BUB3: variants seen among roughly 807,000 people sequenced by gnomAD.
BUB3 encodes BUB3 mitotic checkpoint protein.
Under a neutral mutation model 39.9 loss-of-function variants are expected in BUB3, and 22 were observed. That is an observed-to-expected ratio of 0.55 (90% CI 0.39 to 0.79). The LOEUF (loss-of-function observed/expected upper bound fraction) is 0.79. Among genes scored for constraint, BUB3 ranks in the 30% least tolerant of loss-of-function variants. The pLI, the probability that BUB3 is intolerant of heterozygous loss-of-function variation, is 0.00. For missense variants in BUB3, 303 were observed against 415.4 expected (o/e 0.73, Z 2.35); for synonymous variants, 168 against 155.1 (o/e 1.08, Z -0.62).
At chr10:123,157,324 T>C (rs1402974169) in intron 3 of BUB3, among the ~76,000 whole-genome samples, 1 of 152,228 alleles carries the variant, frequency 6.6e-6, no homozygotes, top group Non-Finnish European at 1.5e-5. Context: ...TTCATTTGTT[T>C]ATTCAACAGA....
In BUB3 at chr10:123,166,215, G is replaced by A. The variant is rs1844490822; in HGVS notation, c.*2380G>A. On this transcript the variant is annotated 3_prime_UTR_variant, in exon 8 of 8. Coordinates refer to ENST00000368865, the MANE Select transcript of BUB3 (RefSeq NM_004725.4). ...CCCACATTCTTTAAGTGTCTCTTCTGTTTATCTTTTCTTCCTACTGCTACC... is the reference window on the plus strand; with the variant it reads ...CCCACATTCTTTAAGTGTCTCTTCTATTTATCTTTTCTTCCTACTGCTACC... 1 of 152,158 alleles carries A rather than the reference G, an allele frequency of 6.6e-6. No individual in the cohort carries two copies. Among genetic ancestry groups the A allele is most frequent in the Admixed American group, 6.5e-5 (1 of 15,274 alleles). 9.4% of individuals were successfully genotyped at this position (152,158 alleles called of 1,614,324 possible).
intron 5 of BUB3, 48 bp from the exon 6 acceptor site, chr10:123,162,188 T>G: frequency 6.4e-7 from 1 of 1,561,434 alleles, no homozygotes; most frequent in Non-Finnish European, 8.7e-7. Flanking sequence ...CACCTTGTTT[T>G]TGGAAGCTGG....
At position 123,165,121 on chromosome 10, in the gene BUB3, C is replaced by CA. The variant is rs1844473160; in HGVS notation, c.*1286_*1287insA. ...TGCTTCCTACAAATACATGCTTATT[C>CA]CTTAAGGGATGTGTTAGAGTTACTG... On this transcript the variant is annotated 3_prime_UTR_variant, in exon 8 of 8. Coordinates refer to ENST00000368865, the MANE Select transcript of BUB3 (RefSeq NM_004725.4). 29 of 1,528,702 alleles carry CA rather than the reference C, an allele frequency of 1.9e-5. No homozygotes were observed. In the South Asian group the frequency reaches 3.2e-4, roughly 17 times the overall value. The allele number at this position is 1,528,702 out of a possible 1,614,324, so 94.7% of individuals were successfully genotyped here. A position where few individuals can be genotyped will look rare whatever the true frequency, so the allele number is the denominator to read the frequency against.
In BUB3 at chr10:123,164,343, G is replaced by A. The variant is rs777038313; in HGVS notation, c.*508G>A. 36 of 985,926 alleles carry A rather than the reference G, an allele frequency of 3.7e-5. No individual in the cohort carries two copies. The highest frequency in any genetic ancestry group is 4.2e-5 in the Non-Finnish European group (35 of 830,344). The allele number at this position is 985,926 out of a possible 1,614,324, so 61.1% of individuals were successfully genotyped here. The stretch of plus-strand genomic sequence containing the variant: ...CGTCCATTATTTTCTGAAGCAGATG[G>A]TTCATCATTTCCTGGGCTGTTAAAC... On this transcript the variant is annotated 3_prime_UTR_variant, in exon 8 of 8. Coordinates refer to ENST00000368865, the MANE Select transcript of BUB3 (RefSeq NM_004725.4).
Position 123,164,579 on chromosome 10 carries a change from T to G in BUB3, c.*744T>G. On this transcript the variant is annotated 3_prime_UTR_variant, in exon 8 of 8. Transcript: ENST00000368865. ...CATATCTGTGTATTTGGAAAAATAATTGTAACGTAATTGCAGTGCATTTAG... is the reference window on the plus strand; with the variant it reads ...CATATCTGTGTATTTGGAAAAATAAGTGTAACGTAATTGCAGTGCATTTAG... 1 of 987,326 alleles carries G rather than the reference T, an allele frequency of 1.0e-6. No individual in the cohort carries two copies. The highest frequency in any genetic ancestry group is 1.2e-6 in the Non-Finnish European group (1 of 831,252). The allele number at this position is 987,326 out of a possible 1,614,324, so 61.2% of individuals were successfully genotyped here. A position where few individuals can be genotyped will look rare whatever the true frequency, so the allele number is the denominator to read the frequency against.
In BUB3 at chr10:123,164,769, C is replaced by T; in HGVS notation, c.*934C>T. ...AAAAAATTATAGTGAGAATGAGATT[C>T]ATTTCAATGTAATGCACTAAAGCAG... On this transcript the variant is annotated 3_prime_UTR_variant, in exon 8 of 8. Transcript: ENST00000368865. 1 of 1,165,954 alleles carries T rather than the reference C, an allele frequency of 8.6e-7. No individual in the cohort carries two copies. Among genetic ancestry groups the T allele is most frequent in the Non-Finnish European group, 1.1e-6 (1 of 946,102 alleles). 72.2% of individuals were successfully genotyped at this position (1,165,954 alleles called of 1,614,324 possible).
intron 5 of BUB3, among the ~76,000 whole-genome samples, chr10:123,160,921 A>G (rs1844413659): frequency 6.6e-6 from 1 of 152,236 alleles, no homozygotes; most frequent in Admixed American, 6.5e-5. Flanking sequence ...ATGCTGAATT[A>G]AAATTTATAT....
chr10:123,165,156 C>A lies in BUB3; in HGVS notation c.*1321C>A. On this transcript the variant is annotated 3_prime_UTR_variant, in exon 8 of 8. Transcript: ENST00000368865. ...TGTGTTAGAGTTACTGTGGATTTCT[C>A]TGTTTTCTGTCTTACAAGAAACTTG... The A allele has an allele frequency of 7.1e-7, 1 of 1,408,158 alleles. No homozygotes were observed. Among genetic ancestry groups the A allele is most frequent in the Non-Finnish European group, 9.9e-7 (1 of 1,005,982 alleles). The allele number at this position is 1,408,158 out of a possible 1,614,324, so 87.2% of individuals were successfully genotyped here.
chr10:123,156,158 A>G (rs899638932), intron 3 of BUB3, among the ~76,000 whole-genome samples: 2 of 152,208 alleles, frequency 1.3e-5, no homozygotes, highest in African/African-American at 2.4e-5. Flanking sequence ...GTCTATATTA[A>G]TTGTGTTTGT....
At chr10:123,156,639 A>G (rs932785250) in intron 3 of BUB3, among the ~76,000 whole-genome samples, 1 of 152,178 alleles carries the variant, frequency 6.6e-6, no homozygotes, top group Non-Finnish European at 1.5e-5. Context: ...TTGTAGGGGT[A>G]GGGAGAAACA....
Position 123,155,015 on chromosome 10 carries a change from C to G in BUB3, c.98C>G (p.Ser33Cys). The G allele has an allele frequency of 6.2e-7, 1 of 1,614,204 alleles. No homozygotes were observed. Among genetic ancestry groups the G allele is most frequent in the Non-Finnish European group, 8.5e-7 (1 of 1,180,024 alleles). The change falls in exon 2 of 8, where the codon TCC becomes TGC. Residue 33 changes from serine (S) to cysteine (C), a missense_variant. Around this residue, in one of 2 missense-constraint regions of BUB3, gnomAD observed 121 missense variants for 122.3 expected, o/e 0.99. Coordinates refer to ENST00000368865, the MANE Select transcript of BUB3 (RefSeq NM_004725.4). ...AACACCTCCCAGTTCCTGCTTGTCTCCTCCTGGGACACGTCCGTGCGTCTC... is the reference window on the plus strand; with the variant it reads ...AACACCTCCCAGTTCCTGCTTGTCTGCTCCTGGGACACGTCCGTGCGTCTC... ...SPNTSQFLLV[S>C]SWDTSVRLYD... is the part of the protein sequence containing the mutation.
intron 4 of BUB3, 138 bp downstream of exon 4, chr10:123,158,018 T>C: frequency 1.1e-6 from 1 of 936,968 alleles, no homozygotes; most frequent in Non-Finnish European, 1.5e-6. Flanking sequence ...GTTGGTTTTA[T>C]AAATCCAACT....
At position 123,167,191 on chromosome 10, in the gene BUB3, TTACGCTGA is replaced by T; in HGVS notation, c.*3357_*3364del. On this transcript the variant is annotated 3_prime_UTR_variant, in exon 8 of 8. Transcript: ENST00000368865. ...CCCAGAAAACACTGGGGTTCTTCTCTTACGCTGAGAGCCAGGTTACTTTCTTCACTATC... is the reference window on the plus strand; with the variant it reads ...CCCAGAAAACACTGGGGTTCTTCTCTGAGCCAGGTTACTTTCTTCACTATC... 1 of 152,250 alleles carries T rather than the reference TTACGCTGA, an allele frequency of 6.6e-6. No homozygotes were observed. The highest frequency in any genetic ancestry group is 1.9e-4 in the East Asian group (1 of 5,202). The allele number at this position is 152,250 out of a possible 1,614,324, so 9.4% of individuals were successfully genotyped here.
Position 123,163,855 on chromosome 10 carries a change from GTGCCA to G in BUB3, c.*23_*27del. On this transcript the variant is annotated 3_prime_UTR_variant, in exon 8 of 8. Transcript: ENST00000368865. ...ACTTGACAAGATTTCATTTACTTAA[GTGCCA>G]TGTTGATGATAATAAAACAATTCGT... The G allele has an allele frequency of 1.2e-6, 2 of 1,602,084 alleles. No homozygotes were observed. The highest frequency in any genetic ancestry group is 3.3e-4 in the Middle Eastern group (2 of 6,038).
At chr10:123,155,245 G>T in intron 2 of BUB3, 133 bp downstream of exon 2, 1 of 1,035,970 alleles carries the variant, frequency 9.7e-7, no homozygotes, top group East Asian at 2.6e-5. Flanking sequence ...AGCTTTTCAG[G>T]AGCATCTGCC....
Position 123,166,929 on chromosome 10 carries a change from C to T in BUB3, c.*3094C>T, listed in dbSNP as rs1425008112. 1.3e-5 allele frequency: 2 copies of T among 152,234 alleles called. No homozygotes were observed. Among genetic ancestry groups the T allele is most frequent in the East Asian group, 3.8e-4 (2 of 5,200 alleles). The allele number at this position is 152,234 out of a possible 1,614,324, so 9.4% of individuals were successfully genotyped here. A position where few individuals can be genotyped will look rare whatever the true frequency, so the allele number is the denominator to read the frequency against. The stretch of plus-strand genomic sequence containing the variant: ...GTTTAGCCTTAGCATTCAAACCCTT[C>T]ATTGTTTTTCCTCCATTATCTGTTA... On this transcript the variant is annotated 3_prime_UTR_variant, in exon 8 of 8. Coordinates refer to ENST00000368865, the MANE Select transcript of BUB3 (RefSeq NM_004725.4).
chr10:123,162,859 T>G (rs1208030994), intron 7 of BUB3, 31 bp downstream of exon 7: 1 of 1,579,330 alleles, frequency 6.3e-7, no homozygotes, highest in African/African-American at 1.4e-5. Flanking sequence ...TTTGAGCCTT[T>G]TCTTGCATTC....
In BUB3 at chr10:123,165,072, G is replaced by A. The variant is rs1677894916; in HGVS notation, c.*1237G>A. ...GTCCACCTAATCATCCTGTGAAAGT[G>A]GTTTCTCTATGGAAAGCTTTGTTTG... On this transcript the variant is annotated 3_prime_UTR_variant, in exon 8 of 8. Transcript: ENST00000368865. 4 of 1,610,960 alleles carry A rather than the reference G, an allele frequency of 2.5e-6. No individual in the cohort carries two copies. Among genetic ancestry groups the A allele is most frequent in the South Asian group, 2.2e-5 (2 of 90,926 alleles).
At chr10:123,160,655 CTTT>C in intron 5 of BUB3, 90 bp downstream of exon 5, 1 of 961,378 alleles carries the variant, frequency 1.0e-6, no homozygotes. Context: ...CTAAAGCCTT[CTTT>C]TTTTTTTTCA....
Sources: allele counts gnomAD v4.1 joint callset (sites outside exome capture counted in the v4.1 genomes callset), GRCh38; gene constraint gnomAD v4.1.1; regional missense constraint gnomAD v4.1.1; transcripts MANE v1.5; gene names NCBI Gene and HGNC (gene_info 2026-07-23, HGNC 2026-07-21).